The following CDKL1 variants were observed in gnomAD, a reference collection of about 807,000 sequenced individuals.
CDKL1 encodes cyclin-dependent kinase-like 1.
A neutral mutation model predicts 42.0 loss-of-function variants in CDKL1; 41 were observed. The observed-to-expected ratio is 0.98, with a 90% CI of 0.76 to 1.27. The LOEUF (loss-of-function observed/expected upper bound fraction) is 1.27. Among genes scored for constraint, CDKL1 ranks in the 50% most tolerant of loss-of-function variants. The pLI, the probability that CDKL1 is intolerant of heterozygous loss-of-function variation, is 0.00. For missense variants in CDKL1, 394 were observed against 428.4 expected, an observed-to-expected ratio of 0.92 and a Z score of 0.71; for synonymous variants, 153 against 158.6, an observed-to-expected ratio of 0.96 and a Z score of 0.26.
At chr14:50,370,658 G>T (rs1200029509) in intron 2 of CDKL1, among the ~76,000 whole-genome samples, 1 of 152,108 alleles carries the variant, frequency 6.6e-6, no homozygotes, top group Admixed American at 6.6e-5. Context: ...GGAAACACGG[G>T]GCTGGCATCT....
intron 3 of CDKL1, among the ~76,000 whole-genome samples, chr14:50,358,634 G>GTTTTTTTTTTTT (rs1379484175): frequency 1.0e-3 from 46 of 45,108 alleles, no homozygotes; most frequent in Non-Finnish European, 1.7e-3. Flanking sequence ...TTTTTAACTA[G>GTTTTTTTTTTTT]TCTTTTTTTT....
intron 3 of CDKL1, among the ~76,000 whole-genome samples, chr14:50,354,512 G>A (rs1321117843): frequency 6.6e-6 from 1 of 152,134 alleles, no homozygotes; most frequent in Non-Finnish European, 1.5e-5. Context: ...AAAATGAGGA[G>A]AAAACATCCA....
At chr14:50,391,786 T>TGG (rs2035263827) in intron 2 of CDKL1, among the ~76,000 whole-genome samples, 1 of 152,136 alleles carries the variant, frequency 6.6e-6, no homozygotes, top group African/African-American at 2.4e-5. Flanking sequence ...AACATCAAGT[T>TGG]TTTTCTCTAC....
chr14:50,329,938 TG>T lies in CDKL1; in HGVS notation c.*135del, dbSNP rs1332100847. ...GAATTTCCCTTCATATCTTGCCAGTTGGCCTCCCAGTTTCTTGCTTATGTTT... is the reference window on the plus strand; with the variant it reads ...GAATTTCCCTTCATATCTTGCCAGTTGCCTCCCAGTTTCTTGCTTATGTTT... On this transcript the variant is annotated 3_prime_UTR_variant, in exon 10 of 10. Transcript: ENST00000395834. 1.5e-5 allele frequency: 15 copies of T among 1,031,306 alleles called. No individual in the cohort carries two copies. The highest frequency in any genetic ancestry group is 2.0e-5 in the Non-Finnish European group (15 of 740,922). The allele number at this position is 1,031,306 out of a possible 1,614,324, so 63.9% of individuals were successfully genotyped here. A position where few individuals can be genotyped will look rare whatever the true frequency, so the allele number is the denominator to read the frequency against.
At chr14:50,390,319 C>A (rs770144305) in intron 2 of CDKL1, 1 of 1,366,376 alleles carries the variant, frequency 7.3e-7, no homozygotes, top group Non-Finnish European at 9.8e-7. Flanking sequence ...CACAGTGACA[C>A]TGTCCTGTCC....
intron 3 of CDKL1, among the ~76,000 whole-genome samples, chr14:50,350,486 G>A (rs1289186575): frequency 6.6e-6 from 1 of 152,200 alleles, no homozygotes; most frequent in Non-Finnish European, 1.5e-5. Flanking sequence ...AGGGGCTTGA[G>A]CTTTTCTCCT....
chr14:50,330,377 G>GA (rs1486066774), intron 9 of CDKL1, 196 bp from the exon 10 acceptor site: 3 of 562,466 alleles, frequency 5.3e-6, no homozygotes, highest in Non-Finnish European at 8.6e-6. Flanking sequence ...TATTAAAAAG[G>GA]AAAAACATTC....
At chr14:50,349,946 T>C (rs2033848397) in intron 3 of CDKL1, among the ~76,000 whole-genome samples, 1 of 152,162 alleles carries the variant, frequency 6.6e-6, no homozygotes, top group Non-Finnish European at 1.5e-5. Flanking sequence ...TTTTTGTATT[T>C]TTAGTAGAGA....
Position 50,338,987 on chromosome 14 carries a change from T to A in CDKL1, c.698A>T (p.Gln233Leu), listed in dbSNP as rs1350654488. 5.6e-6 allele frequency: 9 copies of A among 1,613,192 alleles called. No individual in the cohort carries two copies. The highest frequency in any genetic ancestry group is 7.6e-6 in the Non-Finnish European group (9 of 1,179,112). ...TGGAATTTTCACTCCACTGAAGTAC[T>A]GATTCGTGCTAAACACTTGCTGGTG... is the stretch of plus-strand genomic sequence containing the variant. Reference protein sequence around the residue: ...PRHQQVFSTNQYFSGVKIPDP... With the variant: ...PRHQQVFSTNLYFSGVKIPDP... Residue 233 changes from glutamine (Q) to leucine (L), a missense_variant, in exon 7 of 10, where the codon CAG becomes CTG. Coordinates refer to ENST00000395834, the MANE Select transcript of CDKL1 (RefSeq NM_004196.7).
rs1321445626 is a variant in CDKL1 at position 50,341,109 on chromosome 14, G to A, written c.578C>T (p.Ala193Val). The change falls in exon 6 of 10, where the codon GCT becomes GTT. Residue 193 changes from alanine to valine, a missense_variant. Transcript: ENST00000395834. Reference protein sequence around the residue: ...VDVWAIGCVFAELLSGVPLWP... With the variant: ...VDVWAIGCVFVELLSGVPLWP... Reference sequence around the variant, plus strand: ...CAGAGGCACTCCTGACAGCAGCTCAGCAAAGACACAGCCAATTGCCCAAAC... The same window carrying A: ...CAGAGGCACTCCTGACAGCAGCTCAACAAAGACACAGCCAATTGCCCAAAC... 2 of 1,614,046 alleles carry A rather than the reference G, an allele frequency of 1.2e-6. No homozygotes were observed. The highest frequency in any genetic ancestry group is 2.2e-5 in the East Asian group (1 of 44,880).
At chr14:50,332,715 T>C (rs939355551) in intron 8 of CDKL1, 2 of 1,529,478 alleles carry the variant, frequency 1.3e-6, no homozygotes, top group Non-Finnish European at 1.8e-6. Context: ...GATATAATTT[T>C]AGAGTTTACC....
chr14:50,391,120 A>AG (rs2035245560), intron 2 of CDKL1, among the ~76,000 whole-genome samples: 7 of 152,152 alleles, frequency 4.6e-5, no homozygotes, highest in Non-Finnish European at 2.9e-5. Context: ...AGCGTGAGCC[A>AG]CCACACCCAG....
At chr14:50,332,638 A>G (rs2033021842) in intron 8 of CDKL1, 5 of 1,522,268 alleles carry the variant, frequency 3.3e-6, no homozygotes, top group Non-Finnish European at 4.4e-6. Context: ...AGAAGTAGTA[A>G]TGAAAAATCA....
chr14:50,388,482 G>A (rs1432446038), intron 2 of CDKL1, among the ~76,000 whole-genome samples: 1 of 152,216 alleles, frequency 6.6e-6, no homozygotes, highest in South Asian at 2.1e-4. Flanking sequence ...GCCTCTTGGG[G>A]GACTGTGTGA....
intron 2 of CDKL1, among the ~76,000 whole-genome samples, chr14:50,367,487 T>C (rs1489616924): frequency 6.6e-6 from 1 of 152,200 alleles, no homozygotes; most frequent in African/African-American, 2.4e-5. Flanking sequence ...ATTGTGAATG[T>C]TTGCATTCAC....
At chr14:50,397,141 C>T (rs1475498176), upstream of CDKL1, 15 of 1,366,092 alleles carry the variant, frequency 1.1e-5, no homozygotes, top group Non-Finnish European at 1.3e-5. Context: ...GCTGTAACCG[C>T]GTCTGCGGAG....
chr14:50,362,893 G>A, intron 2 of CDKL1: 1 of 429,714 alleles, frequency 2.3e-6, no homozygotes, highest in South Asian at 1.6e-5. Flanking sequence ...AACCTACCCT[G>A]GGCACCATTC....
chr14:50,330,226 A>AT (rs1330528549), intron 9 of CDKL1, 45 bp from the exon 10 acceptor site: 19 of 1,574,980 alleles, frequency 1.2e-5, no homozygotes, highest in Admixed American at 8.5e-5. Context: ...TGTGCCATGC[A>AT]TTTTTTTCAT....
In CDKL1 at chr14:50,359,066, G is replaced by C. The variant is rs941696371; in HGVS notation, c.252C>G (p.Asp84Glu). The C allele has an allele frequency of 6.8e-6, 11 of 1,612,900 alleles. No homozygotes were observed. In the African/African-American group the frequency reaches 1.2e-4, roughly 18 times the overall value. The change falls in exon 3 of 10, where the codon GAC becomes GAG. Residue 84 changes from aspartate to glutamate, a missense_variant. Coordinates refer to ENST00000395834, the MANE Select transcript of CDKL1 (RefSeq NM_004196.7). ...RRLHLVFEYC[D>E]HTVLHELDRY... Reference sequence around the variant, plus strand: ...TGTCCAACTCATGGAGAACTGTGTGGTCACAATATTCAAACACCAGGTGAA... The same window carrying C: ...TGTCCAACTCATGGAGAACTGTGTGCTCACAATATTCAAACACCAGGTGAA...
Sources: gnomAD v4.1 joint callset for allele counts (sites outside exome capture counted in the v4.1 genomes callset) on GRCh38, gnomAD v4.1.1 for gene constraint, MANE v1.5 for transcripts, NCBI Gene and HGNC (gene_info 2026-07-23, HGNC 2026-07-21) for gene names.